Variants in LRBA observed in about 807,000 individuals in gnomAD.
The protein encoded by LRBA is LPS responsive beige-like anchor protein.
LRBA carries 176 observed loss-of-function variants against 330.0 expected under a neutral mutation model. The ratio of observed to expected loss-of-function variants is 0.53; its 90% confidence interval spans 0.47 to 0.60. The LOEUF (loss-of-function observed/expected upper bound fraction) is 0.60, where lower values mean the gene tolerates loss of function less well. LRBA is among the 20% of genes least tolerant of loss of function. The probability of loss-of-function intolerance (pLI) is 0.00; values close to 1 mark genes in which losing one functional copy is unlikely to be tolerated. For synonymous variants in LRBA, 1,230 were observed against 1,193.0 expected (o/e 1.03, Z -0.64); for missense variants, 3,259 against 3,444.8 (o/e 0.95, Z 1.35).
chr4:150,591,932 C>G (rs1008744020), intron 38 of LRBA, among the ~76,000 whole-genome samples: 5 of 152,066 alleles, frequency 3.3e-5, no homozygotes, highest in African/African-American at 1.2e-4. Flanking sequence ...TTTCTCCTTA[C>G]GACAAGCAGG....
chr4:150,579,289 T>C (rs1561379437), intron 40 of LRBA: 3 of 456,424 alleles, frequency 6.6e-6, no homozygotes, highest in Non-Finnish European at 1.3e-5. Context: ...CCTTCAATTA[T>C]TCAACCAGAG....
At chr4:150,612,293 C>G (rs1489179899) in intron 37 of LRBA, among the ~76,000 whole-genome samples, 2 of 152,128 alleles carry the variant, frequency 1.3e-5, no homozygotes, top group Non-Finnish European at 2.9e-5. Flanking sequence ...CATAATCCAT[C>G]ACTTCCTCTT....
intron 46 of LRBA, chr4:150,423,433 G>T: frequency 1.6e-6 from 1 of 611,450 alleles, no homozygotes. Context: ...GGAGGCTCTG[G>T]CGGTGAGCTG....
At chr4:150,941,297 C>T (rs749290097) in intron 2 of LRBA, among the ~76,000 whole-genome samples, 14 of 151,980 alleles carry the variant, frequency 9.2e-5, no homozygotes, top group Non-Finnish European at 1.8e-4. Context: ...GGATTACAGG[C>T]GCCCACCAAC....
chr4:150,987,238 T>C (rs919221193), intron 2 of LRBA, among the ~76,000 whole-genome samples: 3 of 152,236 alleles, frequency 2.0e-5, no homozygotes, highest in Admixed American at 1.3e-4. Flanking sequence ...AAGAATATTT[T>C]ACTCCTACTC....
intron 52 of LRBA, among the ~76,000 whole-genome samples, chr4:150,309,088 A>G (rs969318680): frequency 1.3e-5 from 2 of 152,146 alleles, no homozygotes; most frequent in African/African-American, 2.4e-5. Flanking sequence ...CTATACAGGT[A>G]TGCCAGTTTT....
At chr4:150,671,436 G>A (rs1426443522) in intron 37 of LRBA, among the ~76,000 whole-genome samples, 4 of 152,040 alleles carry the variant, frequency 2.6e-5, no homozygotes, top group African/African-American at 9.7e-5. Flanking sequence ...GATTGCCTCA[G>A]ATATACCCAA....
chr4:150,902,764 C>T (rs1713924092), intron 13 of LRBA, among the ~76,000 whole-genome samples: 1 of 152,094 alleles, frequency 6.6e-6, no homozygotes, highest in Non-Finnish European at 1.5e-5. Context: ...TTGTTCAAGA[C>T]ACCAAGAACC....
chr4:150,979,108 A>G (rs780370846), intron 2 of LRBA, among the ~76,000 whole-genome samples: 85 of 152,200 alleles, frequency 5.6e-4, no homozygotes, highest in Non-Finnish European at 9.7e-4. Flanking sequence ...ACTCCCAAAG[A>G]TCAATAATAA....
At chr4:150,407,314 G>A (rs1746339827) in intron 47 of LRBA, among the ~76,000 whole-genome samples, 1 of 152,166 alleles carries the variant, frequency 6.6e-6, no homozygotes, top group South Asian at 2.1e-4. Context: ...GCCACCAAGT[G>A]TTTGCAGTAA....
intron 48 of LRBA, among the ~76,000 whole-genome samples, chr4:150,338,488 G>T (rs745599451): frequency 1.3e-5 from 2 of 152,116 alleles, no homozygotes; most frequent in Non-Finnish European, 2.9e-5. Flanking sequence ...ACATCTACCT[G>T]CAAGTATCTT....
At chr4:150,783,768 G>T (rs1181775720) in intron 34 of LRBA, among the ~76,000 whole-genome samples, 1 of 152,184 alleles carries the variant, frequency 6.6e-6, no homozygotes, top group Non-Finnish European at 1.5e-5. Context: ...CTACCTAGAA[G>T]ATAGTGTGAT....
chr4:150,968,799 A>G (rs948062835), intron 2 of LRBA, among the ~76,000 whole-genome samples: 16 of 152,238 alleles, frequency 1.1e-4, no homozygotes, highest in Non-Finnish European at 2.4e-4. Context: ...AGAAGATGCC[A>G]TCTAGGACTT....
At chr4:150,938,383 T>C (rs910322824) in intron 2 of LRBA, among the ~76,000 whole-genome samples, 4 of 152,166 alleles carry the variant, frequency 2.6e-5, no homozygotes, top group Non-Finnish European at 4.4e-5. Flanking sequence ...AACTTACTAA[T>C]AAGGAGAAGT....
intron 4 of LRBA, among the ~76,000 whole-genome samples, chr4:150,927,859 G>C (rs1049245996): frequency 5.3e-5 from 8 of 152,166 alleles, no homozygotes; most frequent in Admixed American, 2.0e-4. Flanking sequence ...GTAGGGCACA[G>C]TTTTAGATAC....
At chr4:150,776,811 AAAAAAT>A (rs1737396990) in intron 34 of LRBA, among the ~76,000 whole-genome samples, 2 of 152,294 alleles carry the variant, frequency 1.3e-5, no homozygotes, top group South Asian at 4.1e-4. Flanking sequence ...CTCCGTGTCA[AAAAAAT>A]AAAAATAAAA....
intron 2 of LRBA, among the ~76,000 whole-genome samples, chr4:150,934,494 C>G (rs1734861511): frequency 6.6e-6 from 1 of 152,176 alleles, no homozygotes; most frequent in African/African-American, 2.4e-5. Context: ...AATAGTGGAA[C>G]AGTGATCAAT....
intron 48 of LRBA, among the ~76,000 whole-genome samples, chr4:150,341,402 A>C (rs1358104396): frequency 6.6e-6 from 1 of 152,026 alleles, no homozygotes; most frequent in Admixed American, 6.6e-5. Context: ...TCCTGCCCTC[A>C]AGCAGTCCTC....
intron 40 of LRBA, among the ~76,000 whole-genome samples, chr4:150,570,801 C>T (rs190247343): frequency 2.4e-4 from 37 of 152,158 alleles, no homozygotes; most frequent in Admixed American, 2.4e-3. Flanking sequence ...GTTTCGTTAC[C>T]TTTTAATTAA....
Sources: gnomAD v4.1 joint callset for allele counts (sites outside exome capture counted in the v4.1 genomes callset) on GRCh38, gnomAD v4.1.1 for gene constraint, MANE v1.5 for transcripts, NCBI Gene and HGNC (gene_info 2026-07-23, HGNC 2026-07-21) for gene names.